Variants in ERCC6 observed in about 807,000 individuals in gnomAD.
ERCC6 encodes the protein ERCC excision repair 6, chromatin remodeling factor.
ERCC6 carries 116 observed loss-of-function variants against 158.7 expected under a neutral mutation model. That is an observed-to-expected ratio of 0.73 (90% CI 0.63 to 0.85). The LOEUF (loss-of-function observed/expected upper bound fraction) is 0.85. ERCC6 is among the 40% of genes least tolerant of loss of function. ERCC6 has a pLI of 0.00. For synonymous variants in ERCC6, 678 were observed against 659.3 expected (o/e 1.03, Z -0.43); for missense variants, 1,698 against 1,799.4 (o/e 0.94, Z 1.02).
chr10:49,480,203 G>T (rs948022257), intron 10 of ERCC6, among the ~76,000 whole-genome samples: 1 of 152,130 alleles, frequency 6.6e-6, no homozygotes. Context: ...CAGGCCCCAG[G>T]TGAGTCATCC....
At chr10:49,468,404 G>A (rs1850714866) in intron 18 of ERCC6, among the ~76,000 whole-genome samples, 2 of 152,154 alleles carry the variant, frequency 1.3e-5, no homozygotes, top group Admixed American at 1.3e-4. Context: ...AGTAGGGCAG[G>A]GCAACTGGAG....
the ERCC6 span, among the ~76,000 whole-genome samples, chr10:49,435,286 C>A: frequency 1.3e-5 from 2 of 152,174 alleles, no homozygotes; most frequent in African/African-American, 4.8e-5. Context: ...TACCTTCGTT[C>A]AGTAATTGAT....
In ERCC6 at chr10:49,519,603, G is replaced by A. The variant is rs187596668; in HGVS notation, c.1397+4430C>T. Reference sequence around the variant, plus strand: ...TCAGGCACCGCCTACTGAAGAGTCCGTTTCTGAACTCCCCACTATGTTTCC... The same window carrying A: ...TCAGGCACCGCCTACTGAAGAGTCCATTTCTGAACTCCCCACTATGTTTCC... On this transcript the variant is annotated intron_variant, in intron 5 of 20. Coordinates refer to ENST00000355832, the MANE Select transcript of ERCC6 (RefSeq NM_000124.4). Among the ~76,000 whole-genome samples the A allele has an allele frequency of 4.5e-3, 686 of 152,224 alleles. 3 individuals carry two copies. The highest frequency in any genetic ancestry group is 0.016 in the African/African-American group (657 of 41,536).
rs147079519 is a variant in ERCC6, at chr10:49,470,569, T to C, written c.3391A>G (p.Asn1131Asp). 1.2e-3 allele frequency: 1,860 copies of C among 1,614,172 alleles called. 5 individuals carry two copies. Among genetic ancestry groups the C allele is most frequent in the Non-Finnish European group, 1.5e-3 (1,771 of 1,180,002 alleles). The change falls in exon 18 of 21, where the codon AAT becomes GAT. Residue 1131 changes from asparagine (N) to aspartate (D), a missense_variant. By Grantham distance (23) the Asn-to-Asp change is conservative (BLOSUM62 1). Transcript: ENST00000355832. ...SVISGNGECS[N>D]SSGTGKTSMP... ...GAAGTTTTGCCTGTTCCTGAAGAATTTGAACATTCCCCATTTCCACTAATC... is the reference window on the plus strand; with the variant it reads ...GAAGTTTTGCCTGTTCCTGAAGAATCTGAACATTCCCCATTTCCACTAATC...
At chr10:49,460,595 T>A in intron 19 of ERCC6, 144 bp from the exon 20 acceptor site, 1 of 690,892 alleles carries the variant, frequency 1.4e-6, no homozygotes, top group Non-Finnish European at 2.6e-6. Context: ...TTCTGCTCTA[T>A]CCCCCTCGAT....
chr10:49,497,546 G>T (rs907167869), intron 7 of ERCC6, among the ~76,000 whole-genome samples: 1 of 152,108 alleles, frequency 6.6e-6, no homozygotes, highest in Non-Finnish European at 1.5e-5. Context: ...TTTAATTTCT[G>T]CCATTTTCCC....
chr10:49,438,225 T>G, the ERCC6 span, among the ~76,000 whole-genome samples: 1 of 151,990 alleles, frequency 6.6e-6, no homozygotes. Flanking sequence ...AAGGGGAGTA[T>G]ATTAGTCCAT....
the ERCC6 span, among the ~76,000 whole-genome samples, chr10:49,441,331 A>G: frequency 6.6e-6 from 1 of 152,242 alleles, no homozygotes; most frequent in Admixed American, 6.5e-5. Context: ...TAAGAAGTTA[A>G]GCGTCTTTCT....
At chr10:49,448,784 G>A in the ERCC6 span, among the ~76,000 whole-genome samples, 1 of 152,182 alleles carries the variant, frequency 6.6e-6, no homozygotes, top group African/African-American at 2.4e-5. Context: ...GTTCATCAGT[G>A]TTATAGCATG....
chr10:49,519,388 TAAA>T (rs536171316), intron 5 of ERCC6, among the ~76,000 whole-genome samples: 5 of 152,116 alleles, frequency 3.3e-5, no homozygotes, highest in Admixed American at 6.5e-5. Flanking sequence ...ATGTAGAAAA[TAAA>T]AACATAAAAG....
chr10:49,453,305 T>C (rs1850441335), downstream of ERCC6, among the ~76,000 whole-genome samples: 1 of 152,178 alleles, frequency 6.6e-6, no homozygotes. Flanking sequence ...TACTCTTATA[T>C]AGCTATATTC....
chr10:49,524,361 A>C lies in ERCC6; in HGVS notation c.1069T>G (p.Ser357Ala). The C allele has an allele frequency of 1.2e-6, 2 of 1,613,146 alleles. No individual in the cohort carries two copies. Among genetic ancestry groups the C allele is most frequent in the Non-Finnish European group, 1.7e-6 (2 of 1,179,812 alleles). Residue 357 changes from serine to alanine, a missense_variant, in exon 5 of 21, where the codon TCA (serine) becomes GCA (alanine). Transcript: ENST00000355832. ...GLPKARRPWE[S>A]DMRPEAEGDS... ...CCCTCTGCCTCTGGCCTCATGTCTG[A>C]CTCCCAAGGTCTCCTTGCCTTTGGC...
chr10:49,534,185 A>T (rs1837543511), intron 1 of ERCC6, among the ~76,000 whole-genome samples: 1 of 151,686 alleles, frequency 6.6e-6, no homozygotes, highest in African/African-American at 2.4e-5. Flanking sequence ...AATACACAGT[A>T]TAATTTCTCA....
At chr10:49,449,724 GTA>G (rs1192190327), downstream of ERCC6, among the ~76,000 whole-genome samples, 1 of 151,248 alleles carries the variant, frequency 6.6e-6, no homozygotes, top group Non-Finnish European at 1.5e-5. Flanking sequence ...GCTAATTTTT[GTA>G]TTTTTAGTAG....
At chr10:49,510,469 A>G (rs1372725495) in intron 5 of ERCC6, among the ~76,000 whole-genome samples, 1 of 152,102 alleles carries the variant, frequency 6.6e-6, no homozygotes, top group South Asian at 2.1e-4. Flanking sequence ...CAGCACCACC[A>G]TGCACAGAAA....
At chr10:49,469,872 A>G (rs1850741159) in intron 18 of ERCC6, among the ~76,000 whole-genome samples, 1 of 152,252 alleles carries the variant, frequency 6.6e-6, no homozygotes, top group African/African-American at 2.4e-5. Flanking sequence ...AGATTAATGT[A>G]GCATATAGCA....
At chr10:49,524,842 C>T in intron 4 of ERCC6, 65 bp from the exon 5 acceptor site, 4 of 1,587,800 alleles carry the variant, frequency 2.5e-6, no homozygotes, top group Admixed American at 1.7e-5. Flanking sequence ...AAAAGAAATG[C>T]TCACTCTTTC....
chr10:49,515,262 G>C, intron 5 of ERCC6: 14 of 1,466,304 alleles, frequency 9.5e-6, no homozygotes, highest in Non-Finnish European at 1.3e-5. Context: ...TGGAACACTA[G>C]GCAAAACCAC....
intron 16 of ERCC6, 43 bp downstream of exon 16, chr10:49,472,333 C>G (rs778182071): frequency 7.1e-6 from 11 of 1,550,442 alleles, no homozygotes; most frequent in East Asian, 2.2e-5. Flanking sequence ...CTGCTCAAGA[C>G]TCTGGGAACG....
Sources: allele counts gnomAD v4.1 joint callset (sites outside exome capture counted in the v4.1 genomes callset), GRCh38; gene constraint gnomAD v4.1.1; transcripts MANE v1.5; gene names NCBI Gene and HGNC (gene_info 2026-07-23, HGNC 2026-07-21).